WASHC5: variants seen among roughly 807,000 people sequenced by gnomAD.
WASHC5 encodes the protein WASH complex subunit 5.
WASHC5 carries 101 observed loss-of-function variants against 150.4 expected under a neutral mutation model. That is an observed-to-expected ratio of 0.67 (90% CI 0.57 to 0.79). The LOEUF is 0.79. Ranked by LOEUF, WASHC5 falls within the 30% of genes least tolerant of loss-of-function variation. The pLI is 0.00. For synonymous variants in WASHC5, 467 were observed against 491.2 expected (o/e 0.95, Z 0.65); for missense variants, 1,195 against 1,396.3 (o/e 0.86, Z 2.30).
intron 26 of WASHC5, 66 bp from the exon 27 acceptor site, chr8:125,032,460 A>T: frequency 6.4e-7 from 1 of 1,550,430 alleles, no homozygotes. Flanking sequence ...TTAAATACCA[A>T]CGCTGTGAAG....
chr8:125,031,794 T>C (rs1815546121), intron 27 of WASHC5, among the ~76,000 whole-genome samples: 1 of 152,164 alleles, frequency 6.6e-6, no homozygotes, highest in Admixed American at 6.5e-5. Flanking sequence ...ATAGCAACTC[T>C]TGTGAAATTT....
At chr8:125,045,408 A>G (rs1452996082) in intron 20 of WASHC5, among the ~76,000 whole-genome samples, 3 of 152,166 alleles carry the variant, frequency 2.0e-5, no homozygotes, top group Non-Finnish European at 4.4e-5. Context: ...TGAGGCTCTC[A>G]TAGGTCTGAC....
chr8:125,049,311 C>T (rs1586351540), intron 18 of WASHC5, 126 bp from the exon 19 acceptor site: 10 of 974,632 alleles, frequency 1.0e-5, no homozygotes, highest in Non-Finnish European at 1.4e-5. Flanking sequence ...GTAACCCCAG[C>T]ACTTTGGGAG....
At position 125,044,634 on chromosome 8, in the gene WASHC5, T is replaced by C. The variant is rs1816002900; in HGVS notation, c.2569A>G (p.Ser857Gly). ...TGGATTTCTGAGAAGAGGCGGCTGC[T>C]GGTCACTTCCTGATGAGTTTTCATA... Reference protein sequence around the residue: ...YDMKTHQEVTSSRLFSEIQTT... With the variant: ...YDMKTHQEVTGSRLFSEIQTT... The change falls in exon 21 of 29, where the codon AGC becomes GGC. Residue 857 changes from serine (S) to glycine (G), a missense_variant. Ser to Gly is a moderately conservative substitution (Grantham distance 56, BLOSUM62 0). Around this residue, in one of 3 missense-constraint regions of WASHC5, gnomAD observed 997 missense variants for 1,168.1 expected, o/e 0.85. Coordinates refer to ENST00000318410, the MANE Select transcript of WASHC5 (RefSeq NM_014846.4). The C allele has an allele frequency of 6.2e-7, 1 of 1,614,026 alleles. No individual in the cohort carries two copies. The highest frequency in any genetic ancestry group is 1.3e-5 in the African/African-American group (1 of 74,938).
chr8:125,028,717 A>T lies in WASHC5; in HGVS notation c.3336-10T>A. On this transcript the variant is annotated splice_polypyrimidine_tract_variant and intron_variant, in intron 27 of 28. Coordinates refer to ENST00000318410, the MANE Select transcript of WASHC5 (RefSeq NM_014846.4). ...TTCAGGTATCTTCTGGCTGTGATAG[A>T]GAACAGTTTAGATCAATTAACTGCT... 6.3e-7 allele frequency: 1 copy of T among 1,592,248 alleles called. No individual in the cohort carries two copies. The highest frequency in any genetic ancestry group is 8.6e-7 in the Non-Finnish European group (1 of 1,160,204).
In WASHC5 at chr8:125,056,739, C is replaced by T; in HGVS notation, c.1954G>A (p.Val652Met). The T allele has an allele frequency of 6.2e-7, 1 of 1,614,142 alleles. No homozygotes were observed. The highest frequency in any genetic ancestry group is 8.5e-7 in the Non-Finnish European group (1 of 1,180,034). Residue 652 changes from valine (V) to methionine (M), a missense_variant, in exon 16 of 29, where the codon GTG becomes ATG. Around this residue, in one of 3 missense-constraint regions of WASHC5, gnomAD observed 997 missense variants for 1,168.1 expected, o/e 0.85. Transcript: ENST00000318410. ...TTGTCTTTGTCCAGGCGGGTAGGCACTTCAATAATGTCGTGGGTCTGAAGC... is the reference window on the plus strand; with the variant it reads ...TTGTCTTTGTCCAGGCGGGTAGGCATTTCAATAATGTCGTGGGTCTGAAGC... The part of the protein sequence containing the change: ...IKLQTHDIIE[V>M]PTRLDKDKLR...
chr8:125,057,652 G>C lies in WASHC5; in HGVS notation c.1779C>G (p.Leu593=), dbSNP rs147434450. 6 of 1,610,784 alleles carry C rather than the reference G, an allele frequency of 3.7e-6. No individual in the cohort carries two copies. The highest frequency in any genetic ancestry group is 5.1e-6 in the Non-Finnish European group (6 of 1,177,224). The change falls in exon 15 of 29, where the codon CTC becomes CTG. Residue 593 remains leucine, a synonymous_variant. Coordinates refer to ENST00000318410, the MANE Select transcript of WASHC5 (RefSeq NM_014846.4). ...RATFLKLASA[L]DLPLLRINQA... is the part of the protein sequence containing the mutation. ...GATTAATACGAAGAAGGGGCAGATC[G>C]AGGGCAGAGGCAAGCTGGAAGAAAA... is the stretch of plus-strand genomic sequence containing the variant.
chr8:125,059,196 A>C, intron 14 of WASHC5, 26 bp downstream of exon 14: 2 of 1,555,626 alleles, frequency 1.3e-6, no homozygotes, highest in Non-Finnish European at 1.8e-6. Context: ...TCCTAGCAAC[A>C]GAGAATCTCA....
intron 20 of WASHC5, 125 bp from the exon 21 acceptor site, chr8:125,044,823 A>C: frequency 9.8e-7 from 1 of 1,017,584 alleles, no homozygotes; most frequent in Admixed American, 1.7e-5. Flanking sequence ...TGTGTTTTCT[A>C]ACCTCTGTAT....
At chr8:125,073,611 T>G (rs1476473399) in intron 8 of WASHC5, among the ~76,000 whole-genome samples, 1 of 152,208 alleles carries the variant, frequency 6.6e-6, no homozygotes. Context: ...AATTTCTATA[T>G]AAGATGAATG....
At position 125,032,223 on chromosome 8, in the gene WASHC5, C is replaced by G; in HGVS notation, c.3335+18G>C. The stretch of plus-strand genomic sequence containing the variant: ...TTGTGACAAGAAGTCCCACGTAGTC[C>G]TGGTTGGTCTTCTGTACCTTGTACA... On this transcript the variant is annotated intron_variant, in intron 27 of 28. Coordinates refer to ENST00000318410, the MANE Select transcript of WASHC5 (RefSeq NM_014846.4). The G allele has an allele frequency of 6.2e-7, 1 of 1,613,870 alleles. No individual in the cohort carries two copies. Among genetic ancestry groups the G allele is most frequent in the South Asian group, 1.1e-5 (1 of 91,072 alleles).
At chr8:125,040,481 T>G (rs1815853331) in intron 23 of WASHC5, among the ~76,000 whole-genome samples, 1 of 152,178 alleles carries the variant, frequency 6.6e-6, no homozygotes, top group African/African-American at 2.4e-5. Context: ...TAATTTTTTT[T>G]GTGTGTCTGA....
chr8:125,036,977 C>T (rs767868269), intron 26 of WASHC5, among the ~76,000 whole-genome samples: 7 of 152,096 alleles, frequency 4.6e-5, no homozygotes, highest in African/African-American at 7.2e-5. Flanking sequence ...CACGCCATCG[C>T]GCTCCAGCCT....
chr8:125,039,895 C>A lies in WASHC5; in HGVS notation c.2854G>T (p.Gly952Trp). The A allele has an allele frequency of 3.1e-6, 5 of 1,608,334 alleles. No homozygotes were observed. The highest frequency in any genetic ancestry group is 4.3e-6 in the Non-Finnish European group (5 of 1,175,424). ...TAYLEAIMKV[G>W]QMQILRQQIA... The stretch of plus-strand genomic sequence containing the variant: ...TGTTGTCTCAGAATCTGCATCTGCC[C>A]AACCTGTGCACAAGCAAGAGAAAGA... Residue 952 changes from glycine to tryptophan, a missense_variant, in exon 24 of 29, where the codon GGG (glycine) becomes TGG (tryptophan). Coordinates refer to ENST00000318410, the MANE Select transcript of WASHC5 (RefSeq NM_014846.4).
chr8:125,067,025 G>GT (rs1464333056), intron 10 of WASHC5, among the ~76,000 whole-genome samples: 1 of 152,020 alleles, frequency 6.6e-6, no homozygotes, highest in Non-Finnish European at 1.5e-5. Flanking sequence ...GTGTGATTCT[G>GT]TTTTTTTGAG....
At position 125,083,277 on chromosome 8, in the gene WASHC5, T is replaced by A. The variant is rs370138457; in HGVS notation, c.187-19A>T. 4.4e-6 allele frequency: 7 copies of A among 1,608,984 alleles called. No individual in the cohort carries two copies. In the South Asian group the frequency reaches 7.7e-5, roughly 18 times the overall value. The stretch of plus-strand genomic sequence containing the variant: ...CTGGACCCTGAGAAAAAAAAACACA[T>A]GTGAAATGTCAATAAAAGCATACTT... On this transcript the variant is annotated intron_variant, in intron 2 of 28. Coordinates refer to ENST00000318410, the MANE Select transcript of WASHC5 (RefSeq NM_014846.4).
At chr8:125,080,509 A>G (rs888437541) in intron 5 of WASHC5, among the ~76,000 whole-genome samples, 4 of 152,190 alleles carry the variant, frequency 2.6e-5, no homozygotes, top group African/African-American at 7.2e-5. Flanking sequence ...GCCGAAAAGT[A>G]TAATGTCCCC....
intron 1 of WASHC5, among the ~76,000 whole-genome samples, chr8:125,084,686 C>A (rs576556337): frequency 6.6e-6 from 1 of 152,228 alleles, no homozygotes; most frequent in Non-Finnish European, 1.5e-5. Context: ...TGAATATTAT[C>A]GTTGCTTACA....
chr8:125,070,611 C>A (rs866359720), intron 9 of WASHC5, among the ~76,000 whole-genome samples: 1 of 152,148 alleles, frequency 6.6e-6, no homozygotes, highest in Admixed American at 6.5e-5. Context: ...GAATGCAAGA[C>A]TTTTGGTAAA....
Sources: gnomAD v4.1 joint callset for allele counts (sites outside exome capture counted in the v4.1 genomes callset) on GRCh38, gnomAD v4.1.1 for gene constraint, gnomAD v4.1.1 regional missense constraint, MANE v1.5 for transcripts, NCBI Gene and HGNC (gene_info 2026-07-23, HGNC 2026-07-21) for gene names.